The following NEK11 variants were observed in gnomAD, a reference collection of about 807,000 sequenced individuals.
The protein encoded by NEK11 is NIMA related kinase 11, also known as serine/threonine-protein kinase Nek11.
NEK11 carries 72 observed loss-of-function variants against 80.7 expected under a neutral mutation model. The ratio of observed to expected loss-of-function variants is 0.89; its 90% confidence interval spans 0.74 to 1.08. The LOEUF is 1.08. NEK11 is among the 50% of genes least tolerant of loss of function. NEK11 has a pLI of 0.00. For synonymous variants in NEK11, 251 were observed against 260.7 expected, an observed-to-expected ratio of 0.96 and a Z score of 0.36; for missense variants, 764 against 763.6, an observed-to-expected ratio of 1.00 and a Z score of -0.01.
intron 4 of NEK11, among the ~76,000 whole-genome samples, chr3:131,082,948 G>A (rs1031728582): frequency 2.2e-4 from 34 of 152,154 alleles, no homozygotes; most frequent in Non-Finnish European, 4.4e-5. Context: ...CCATAGTACA[G>A]TAATCAAAAT....
chr3:131,237,946 C>T (rs568706508), intron 15 of NEK11, among the ~76,000 whole-genome samples: 4 of 152,220 alleles, frequency 2.6e-5, no homozygotes, highest in Non-Finnish European at 5.9e-5. Flanking sequence ...CTAACCCTCC[C>T]GTCTCATTCA....
At chr3:131,246,959 AT>A (rs557293020) in intron 16 of NEK11, among the ~76,000 whole-genome samples, 1 of 150,530 alleles carries the variant, frequency 6.6e-6, no homozygotes, top group South Asian at 2.1e-4. Context: ...TTTTGATGGG[AT>A]TTTTTTTTGT....
chr3:131,115,940 T>TTCTTTCTTTCTTTCTTTC (rs2081036727), intron 5 of NEK11, among the ~76,000 whole-genome samples: 4 of 121,288 alleles, frequency 3.3e-5, no homozygotes, highest in Non-Finnish European at 5.3e-5. Flanking sequence ...CTTTCTTTCT[T>TTCTTTCTTTCTTTCTTTC]TCTTTCTTTC....
intron 17 of NEK11, among the ~76,000 whole-genome samples, chr3:131,274,632 C>CT (rs756861338): frequency 0.15 from 6,806 of 45,074 alleles, 2,757 homozygotes; most frequent in Non-Finnish European, 0.21. Flanking sequence ...TGTTTCCTGA[C>CT]TTTTTTTTTT....
chr3:131,099,491 TA>T (rs1490726953), intron 4 of NEK11, among the ~76,000 whole-genome samples: 1 of 152,200 alleles, frequency 6.6e-6, no homozygotes, highest in African/African-American at 2.4e-5. Flanking sequence ...TAGTTTTTTC[TA>T]ATTCTGTGAA....
chr3:131,297,251 TG>T (rs2096604906), intron 17 of NEK11, among the ~76,000 whole-genome samples: 1 of 152,054 alleles, frequency 6.6e-6, no homozygotes, highest in Non-Finnish European at 1.5e-5. Flanking sequence ...ACTTCCACAA[TG>T]GTTGAACTAG....
chr3:131,148,754 T>C (rs981602265), intron 7 of NEK11, among the ~76,000 whole-genome samples: 5 of 151,656 alleles, frequency 3.3e-5, no homozygotes, highest in African/African-American at 1.2e-4. Context: ...GATATATATA[T>C]ATATATATAA....
chr3:131,037,232 T>TTTGGGTCGG (rs3993329), intron 3 of NEK11, among the ~76,000 whole-genome samples: 1 of 151,784 alleles, frequency 6.6e-6, no homozygotes. Flanking sequence ...GGAAGCATTT[T>TTTGGGTCGG]TTGTGAGTTA....
chr3:131,203,337 C>A (rs1324715247), intron 14 of NEK11, among the ~76,000 whole-genome samples: 26 of 151,004 alleles, frequency 1.7e-4, no homozygotes, highest in Non-Finnish European at 3.8e-4. Flanking sequence ...GGACAAAAAA[C>A]CAAACACCGC....
intron 3 of NEK11, among the ~76,000 whole-genome samples, chr3:131,039,983 T>C (rs192069533): frequency 2.4e-4 from 36 of 152,306 alleles, no homozygotes; most frequent in Admixed American, 2.3e-3. Context: ...TTAAGAGTAA[T>C]TTGTACATCT....
intron 15 of NEK11, among the ~76,000 whole-genome samples, chr3:131,230,913 G>C (rs554038074): frequency 6.6e-6 from 1 of 152,120 alleles, no homozygotes; most frequent in Non-Finnish European, 1.5e-5. Context: ...TAGTGAATAA[G>C]TCTCACGAGA....
rs774609802 is a variant in NEK11 at position 131,228,532 on chromosome 3, C to A, written c.1404C>A (p.Ile468=). 1.9e-6 allele frequency: 3 copies of A among 1,603,416 alleles called. No individual in the cohort carries two copies. In the African/African-American group the frequency reaches 4.0e-5, roughly 21 times the overall value. The change falls in exon 15 of 18, where the codon ATC becomes ATA. Residue 468 remains isoleucine, a synonymous_variant. Coordinates refer to ENST00000383366, the MANE Select transcript of NEK11 (RefSeq NM_024800.5). ...DATSDLGYHE[I]PEDPLVAEEY... ...ACTGTTTGTTCATTATTTCAGAGAT[C>A]CCAGAAGACCCACTTGTGGCTGAAG...
At chr3:131,103,737 T>C (rs1483598172) in intron 4 of NEK11, among the ~76,000 whole-genome samples, 2 of 152,226 alleles carry the variant, frequency 1.3e-5, no homozygotes, top group African/African-American at 4.8e-5. Flanking sequence ...AGTCTGGCTC[T>C]GTGGAGAAAG....
intron 15 of NEK11, among the ~76,000 whole-genome samples, chr3:131,241,566 T>C (rs1650560111): frequency 6.6e-6 from 1 of 152,122 alleles, no homozygotes; most frequent in African/African-American, 2.4e-5. Context: ...TGACTTGGAA[T>C]ACCTGAGAAT....
At chr3:131,336,581 C>G (rs1394899611) in intron 17 of NEK11, among the ~76,000 whole-genome samples, 1 of 152,072 alleles carries the variant, frequency 6.6e-6, no homozygotes, top group Non-Finnish European at 1.5e-5. Context: ...GTCTAAAACA[C>G]CAAAAGCAAT....
At chr3:131,158,359 C>T (rs1490755017) in intron 10 of NEK11, among the ~76,000 whole-genome samples, 1 of 152,174 alleles carries the variant, frequency 6.6e-6, no homozygotes, top group Non-Finnish European at 1.5e-5. Flanking sequence ...TGCCAGCGTG[C>T]ATGTGCATGC....
At chr3:131,045,796 T>G (rs1462851571) in intron 3 of NEK11, among the ~76,000 whole-genome samples, 2 of 152,174 alleles carry the variant, frequency 1.3e-5, no homozygotes, top group African/African-American at 4.8e-5. Context: ...CAGTGTTGGG[T>G]GCATGTATGT....
intron 14 of NEK11, among the ~76,000 whole-genome samples, chr3:131,187,892 C>T (rs1290707693): frequency 6.6e-6 from 1 of 152,118 alleles, no homozygotes; most frequent in Non-Finnish European, 1.5e-5. Flanking sequence ...TATTAAAAAC[C>T]AGTTGATCAT....
chr3:131,088,869 G>A (rs1311954504), intron 4 of NEK11, among the ~76,000 whole-genome samples: 2 of 151,952 alleles, frequency 1.3e-5, no homozygotes, highest in African/African-American at 4.8e-5. Context: ...TTTCCCCCAC[G>A]TTTTATGCAG....
Sources: allele counts gnomAD v4.1 joint callset (sites outside exome capture counted in the v4.1 genomes callset), GRCh38; gene constraint gnomAD v4.1.1; transcripts MANE v1.5; gene names NCBI Gene and HGNC (gene_info 2026-07-23, HGNC 2026-07-21).